TENM2: variants seen among roughly 807,000 people sequenced by gnomAD.
The protein encoded by TENM2 is teneurin-2.
Under a neutral mutation model 245.2 loss-of-function variants are expected in TENM2, and 52 were observed. The ratio of observed to expected loss-of-function variants is 0.21; its 90% confidence interval spans 0.17 to 0.27. The LOEUF is 0.27. Ranked by LOEUF, TENM2 falls within the 10% of genes least tolerant of loss-of-function variation. TENM2 has a pLI of 1.00. For missense variants in TENM2, 3,046 were observed against 3,666.8 expected, an observed-to-expected ratio of 0.83 and a Z score of 4.37; for synonymous variants, 1,363 against 1,438.9, an observed-to-expected ratio of 0.95 and a Z score of 1.19.
In TENM2 at chr5:167,383,194, A is replaced by G. The variant is rs1761194859; in HGVS notation, c.502+7721A>G. On this transcript the variant is annotated intron_variant, in intron 2 of 28. Coordinates refer to ENST00000518659, the Ensembl canonical transcript of TENM2. Reference sequence around the variant, plus strand: ...GAGGGATAGAAATCAATAAATATAAATTGACCAAATTCCAGGGAAATGAAG... The same window carrying G: ...GAGGGATAGAAATCAATAAATATAAGTTGACCAAATTCCAGGGAAATGAAG... Among the ~76,000 whole-genome samples, 5 of 152,280 alleles carry G rather than the reference A, an allele frequency of 3.3e-5. No individual in the cohort carries two copies. In the South Asian group the frequency reaches 1.0e-3, roughly 32 times the overall value.
At chr5:167,373,969 A>G (rs1200682654) in intron 1 of TENM2, among the ~76,000 whole-genome samples, 5 of 152,286 alleles carry the variant, frequency 3.3e-5, no homozygotes, top group Middle Eastern at 3.4e-3. Context: ...AGTTCCCCCT[A>G]TAGGTCCCCA....
chr5:167,750,795 A>G (rs549195463), intron 2 of TENM2, among the ~76,000 whole-genome samples: 3 of 152,222 alleles, frequency 2.0e-5, no homozygotes, highest in Non-Finnish European at 4.4e-5. Flanking sequence ...GTATGTCAGG[A>G]CTGTTATTTT....
intron 7 of TENM2, among the ~76,000 whole-genome samples, chr5:168,066,957 A>G (rs1007415907): frequency 6.6e-6 from 1 of 152,236 alleles, no homozygotes; most frequent in Non-Finnish European, 1.5e-5. Context: ...GGCAGTGAGC[A>G]AGTTTGCTTG....
chr5:167,158,570 G>C, the TENM2 span, among the ~76,000 whole-genome samples: 1 of 152,172 alleles, frequency 6.6e-6, no homozygotes, highest in Non-Finnish European at 1.5e-5. Context: ...CACGGTGCCA[G>C]CTGATCTGGT....
At chr5:167,789,951 C>A (rs1764834245) in intron 2 of TENM2, among the ~76,000 whole-genome samples, 1 of 152,168 alleles carries the variant, frequency 6.6e-6, no homozygotes, top group African/African-American at 2.4e-5. Flanking sequence ...ATACAATTTT[C>A]ATACTTTACC....
intron 2 of TENM2, among the ~76,000 whole-genome samples, chr5:167,571,787 A>C (rs535210590): frequency 6.6e-6 from 1 of 152,246 alleles, no homozygotes; most frequent in African/African-American, 2.4e-5. Flanking sequence ...GCATCCTTGT[A>C]ACTGGGTCTT....
the TENM2 span, among the ~76,000 whole-genome samples, chr5:167,138,702 AACCTCCG>A: frequency 1.3e-5 from 2 of 152,144 alleles, no homozygotes; most frequent in African/African-American, 4.8e-5. Flanking sequence ...GGCTCACTGC[AACCTCCG>A]CCTCCTGGGT....
intron 25 of TENM2, among the ~76,000 whole-genome samples, chr5:168,239,953 C>T (rs543726777): frequency 2.2e-4 from 33 of 152,206 alleles, no homozygotes; most frequent in African/African-American, 7.7e-4. Context: ...CACGGTGGCT[C>T]ATGTCTGTAA....
At chr5:168,237,498 C>A (rs1210052787) in intron 25 of TENM2, among the ~76,000 whole-genome samples, 2 of 151,990 alleles carry the variant, frequency 1.3e-5, no homozygotes, top group Non-Finnish European at 2.9e-5. Flanking sequence ...CTCACCAGTT[C>A]CCAGGCTATT....
At chr5:167,255,972 A>C in the TENM2 span, among the ~76,000 whole-genome samples, 1 of 152,146 alleles carries the variant, frequency 6.6e-6, no homozygotes, top group African/African-American at 2.4e-5. Flanking sequence ...GGAAACAATG[A>C]GTTTTTGATG....
intron 2 of TENM2, among the ~76,000 whole-genome samples, chr5:167,801,143 T>A (rs1377346325): frequency 5.7e-5 from 6 of 104,930 alleles, no homozygotes; most frequent in Admixed American, 9.7e-5. Flanking sequence ...TATATATATA[T>A]ATATATATAT....
chr5:168,182,013 G>C (rs1223377674), intron 13 of TENM2, among the ~76,000 whole-genome samples: 1 of 152,160 alleles, frequency 6.6e-6, no homozygotes, highest in African/African-American at 2.4e-5. Flanking sequence ...AATGGCCGTT[G>C]CTCTGTGCAG....
intron 2 of TENM2, chr5:167,660,373 G>A (rs1755123193): frequency 6.7e-6 from 1 of 149,700 alleles, no homozygotes; most frequent in African/African-American, 2.5e-5. Flanking sequence ...GCTGAGGCAG[G>A]AGAATGGCGT....
chr5:167,825,153 T>C (rs559583587), intron 2 of TENM2, among the ~76,000 whole-genome samples: 4 of 152,338 alleles, frequency 2.6e-5, no homozygotes, highest in Admixed American at 1.3e-4. Context: ...TGTGTTCTGC[T>C]TCCTTCGTAT....
At chr5:167,053,050 C>A in the TENM2 span, among the ~76,000 whole-genome samples, 1 of 152,138 alleles carries the variant, frequency 6.6e-6, no homozygotes, top group African/African-American at 2.4e-5. Flanking sequence ...TCAGAAAAGG[C>A]TCCTCACCTC....
chr5:167,797,228 G>C lies in TENM2; in HGVS notation c.503-78758G>C, dbSNP rs530751783. 3.9e-5 allele frequency among the ~76,000 whole-genome samples: 6 copies of C among 152,240 alleles called. No individual in the cohort carries two copies. In the South Asian group the frequency reaches 1.0e-3, roughly 26 times the overall value. On this transcript the variant is annotated intron_variant, in intron 2 of 28. Transcript: ENST00000518659. ...ATTTTTGAGCCAGATCCATCCCAAG[G>C]CCCTTCAGTCTGACACCTCAGTGTG... is the stretch of plus-strand genomic sequence containing the variant.
chr5:167,701,362 G>A (rs2150440699), intron 2 of TENM2, among the ~76,000 whole-genome samples: 1 of 150,940 alleles, frequency 6.6e-6, no homozygotes, highest in Admixed American at 6.6e-5. Context: ...ACCATGTGAT[G>A]TTGGCATTAT....
exon 28 of TENM2, chr5:168,260,358 A>C (rs1228070610): frequency 6.2e-7 from 1 of 1,614,048 alleles, no homozygotes; most frequent in Non-Finnish European, 8.5e-7. Context: ...GCCAAAATGT[A>C]TTTCGTGCCT....
intron 2 of TENM2, among the ~76,000 whole-genome samples, chr5:167,491,561 G>T (rs768403031): frequency 6.6e-6 from 1 of 152,084 alleles, no homozygotes; most frequent in Non-Finnish European, 1.5e-5. Flanking sequence ...CAAACACATT[G>T]GAAAATTTTT....
Sources: allele counts gnomAD v4.1 joint callset (sites outside exome capture counted in the v4.1 genomes callset), GRCh38; gene constraint gnomAD v4.1.1; transcripts MANE v1.5; gene names NCBI Gene and HGNC (gene_info 2026-07-23, HGNC 2026-07-21).